Variants in ADK observed in about 807,000 individuals in gnomAD.
ADK encodes the protein adenosine kinase.
In ADK, 24 loss-of-function variants were observed where a neutral mutation model predicts 44.7. That is an observed-to-expected ratio of 0.54 (90% CI 0.39 to 0.76). The LOEUF (loss-of-function observed/expected upper bound fraction) is 0.76. Ranked by LOEUF, ADK falls within the 30% of genes least tolerant of loss-of-function variation. The probability of loss-of-function intolerance (pLI) is 0.00; values close to 1 mark genes in which losing one functional copy is unlikely to be tolerated. For synonymous variants in ADK, 128 were observed against 142.6 expected (o/e 0.90, Z 0.73); for missense variants, 321 against 425.1 (o/e 0.76, Z 2.15).
intron 6 of ADK, among the ~76,000 whole-genome samples, chr10:74,505,495 G>C (rs1848034062): frequency 6.7e-6 from 1 of 148,626 alleles, no homozygotes; most frequent in African/African-American, 2.5e-5. Context: ...TCCGTATCTT[G>C]AAACTCTTCA....
intron 6 of ADK, among the ~76,000 whole-genome samples, chr10:74,400,742 G>A (rs1347048551): frequency 6.6e-6 from 1 of 152,132 alleles, no homozygotes. Context: ...TTGATCTAAG[G>A]AAGCAACGCA....
At chr10:74,561,621 A>G (rs865828485) in intron 7 of ADK, among the ~76,000 whole-genome samples, 1 of 152,390 alleles carries the variant, frequency 6.6e-6, no homozygotes. Context: ...TACTTTCAAT[A>G]CAAATAGTTA....
At chr10:74,302,078 C>T (rs371856389) in intron 3 of ADK, among the ~76,000 whole-genome samples, 1 of 81,264 alleles carries the variant, frequency 1.2e-5, no homozygotes, top group Non-Finnish European at 2.5e-5. Flanking sequence ...TTTTTGCTTT[C>T]TTTTCTTTTC....
chr10:74,514,389 C>A (rs905586115), intron 6 of ADK, among the ~76,000 whole-genome samples: 6 of 151,640 alleles, frequency 4.0e-5, no homozygotes, highest in Non-Finnish European at 7.4e-5. Flanking sequence ...TTCCCTTCAC[C>A]TTCTGGAGAT....
intron 4 of ADK, among the ~76,000 whole-genome samples, chr10:74,384,350 AT>A (rs1320105674): frequency 3.9e-5 from 6 of 152,172 alleles, no homozygotes; most frequent in Admixed American, 1.3e-4. Flanking sequence ...GATAGGAATG[AT>A]ACAGTTTGTT....
At chr10:74,557,318 G>A (rs886217065) in intron 7 of ADK, among the ~76,000 whole-genome samples, 2 of 152,102 alleles carry the variant, frequency 1.3e-5, no homozygotes, top group Non-Finnish European at 2.9e-5. Flanking sequence ...TTTCATCTCA[G>A]TTATAATTTA....
At chr10:74,260,176 C>T (rs767605921) in intron 3 of ADK, among the ~76,000 whole-genome samples, 1 of 152,188 alleles carries the variant, frequency 6.6e-6, no homozygotes, top group African/African-American at 2.4e-5. Context: ...CCCACTCCCC[C>T]CAAAATCAGC....
At chr10:74,387,351 G>A (rs1386696581) in intron 4 of ADK, among the ~76,000 whole-genome samples, 1 of 152,178 alleles carries the variant, frequency 6.6e-6, no homozygotes, top group Non-Finnish European at 1.5e-5. Context: ...AACAAATGAG[G>A]GTGATGGTTA....
At chr10:74,618,818 C>T (rs1330761140) in intron 9 of ADK, among the ~76,000 whole-genome samples, 4 of 151,912 alleles carry the variant, frequency 2.6e-5, no homozygotes, top group Admixed American at 6.6e-5. Flanking sequence ...TTAACTTTAT[C>T]CTTAGTTCTG....
intron 10 of ADK, among the ~76,000 whole-genome samples, chr10:74,691,183 C>G (rs1855976381): frequency 6.6e-6 from 1 of 152,046 alleles, no homozygotes; most frequent in African/African-American, 2.4e-5. Flanking sequence ...TAAATCATCA[C>G]TAAAGGACAG....
intron 6 of ADK, among the ~76,000 whole-genome samples, chr10:74,423,104 C>T (rs1844625491): frequency 6.6e-6 from 1 of 152,006 alleles, no homozygotes; most frequent in African/African-American, 2.4e-5. Context: ...TCCTCATATA[C>T]AAGGGTGAGG....
intron 3 of ADK, among the ~76,000 whole-genome samples, chr10:74,285,907 A>G (rs372547474): frequency 6.6e-6 from 1 of 152,154 alleles, no homozygotes; most frequent in South Asian, 2.1e-4. Flanking sequence ...ACTGTACTGT[A>G]CTATGTATTA....
chr10:74,491,899 A>C (rs1847505126), intron 6 of ADK, among the ~76,000 whole-genome samples: 1 of 152,176 alleles, frequency 6.6e-6, no homozygotes, highest in African/African-American at 2.4e-5. Context: ...TCTCAGTTCT[A>C]CTACTTTACC....
intron 8 of ADK, among the ~76,000 whole-genome samples, chr10:74,591,989 T>A (rs962761180): frequency 2.0e-5 from 3 of 151,910 alleles, no homozygotes; most frequent in Non-Finnish European, 4.4e-5. Context: ...ATTTTTTTTT[T>A]AATTGATTAT....
At chr10:74,406,491 T>C (rs1459249440) in intron 6 of ADK, among the ~76,000 whole-genome samples, 1 of 146,924 alleles carries the variant, frequency 6.8e-6, no homozygotes, top group Non-Finnish European at 1.5e-5. Context: ...CATCTACCTT[T>C]GGGACTCCGA....
chr10:74,410,852 G>A (rs1043850608), intron 6 of ADK, among the ~76,000 whole-genome samples: 7 of 152,126 alleles, frequency 4.6e-5, no homozygotes, highest in African/African-American at 1.7e-4. Flanking sequence ...GTGAATGACA[G>A]TTGATTAAAT....
At chr10:74,355,157 T>C (rs1842093103) in intron 4 of ADK, among the ~76,000 whole-genome samples, 1 of 152,154 alleles carries the variant, frequency 6.6e-6, no homozygotes, top group South Asian at 2.1e-4. Context: ...ATCTGAAGAG[T>C]TTATTATTTG....
intron 10 of ADK, among the ~76,000 whole-genome samples, chr10:74,687,055 T>C (rs1855822088): frequency 1.3e-5 from 2 of 152,212 alleles, no homozygotes; most frequent in South Asian, 4.1e-4. Context: ...TGGGTTATTA[T>C]GAAAGTTAAA....
At chr10:74,481,761 AT>A (rs1212235327) in intron 6 of ADK, among the ~76,000 whole-genome samples, 1 of 151,948 alleles carries the variant, frequency 6.6e-6, no homozygotes, top group African/African-American at 2.4e-5. Context: ...ATCTTCGAAT[AT>A]GGTATTTTCC....
Sources: gnomAD v4.1 joint callset for allele counts (sites outside exome capture counted in the v4.1 genomes callset) on GRCh38, gnomAD v4.1.1 for gene constraint, MANE v1.5 for transcripts, NCBI Gene and HGNC (gene_info 2026-07-23, HGNC 2026-07-21) for gene names.